The following EPHA6 variants were observed in gnomAD, a reference collection of about 807,000 sequenced individuals.
The protein encoded by EPHA6 is EPH receptor A6.
EPHA6 carries 50 observed loss-of-function variants against 112.0 expected under a neutral mutation model. That is an observed-to-expected ratio of 0.45 (90% CI 0.36 to 0.56). The LOEUF (loss-of-function observed/expected upper bound fraction) is 0.56. Among genes scored for constraint, EPHA6 ranks in the 20% least tolerant of loss-of-function variants. EPHA6 has a pLI of 0.00. For missense variants in EPHA6, 1,280 were observed against 1,417.4 expected, an observed-to-expected ratio of 0.90 and a Z score of 1.56; for synonymous variants, 529 against 490.7, an observed-to-expected ratio of 1.08 and a Z score of -1.03.
At chr3:97,543,230 C>A (rs2107681729) in intron 11 of EPHA6, among the ~76,000 whole-genome samples, 1 of 152,286 alleles carries the variant, frequency 6.6e-6, no homozygotes, top group South Asian at 2.1e-4. Flanking sequence ...GGTTTTAGGT[C>A]TACCATTTAA....
At chr3:97,084,111 T>TCC (rs1559717349) in intron 3 of EPHA6, among the ~76,000 whole-genome samples, 1 of 120,334 alleles carries the variant, frequency 8.3e-6, no homozygotes, top group East Asian at 2.4e-4. Flanking sequence ...GATATATATA[T>TCC]ATATATATAT....
At chr3:97,409,295 G>A (rs1395346533) in intron 6 of EPHA6, among the ~76,000 whole-genome samples, 1 of 152,096 alleles carries the variant, frequency 6.6e-6, no homozygotes, top group East Asian at 1.9e-4. Context: ...GAGGCCCATA[G>A]ATGGTAATTA....
chr3:97,500,660 G>C (rs1324354334), intron 10 of EPHA6, among the ~76,000 whole-genome samples: 1 of 152,152 alleles, frequency 6.6e-6, no homozygotes, highest in Non-Finnish European at 1.5e-5. Context: ...CATGGTAGTA[G>C]ATATTATGAA....
chr3:97,357,558 G>T (rs1257981117), intron 5 of EPHA6, among the ~76,000 whole-genome samples: 1 of 152,148 alleles, frequency 6.6e-6, no homozygotes, highest in African/African-American at 2.4e-5. Context: ...TTTTATTGGA[G>T]AATTGAATCT....
chr3:96,964,012 T>C (rs187182508), intron 2 of EPHA6, among the ~76,000 whole-genome samples: 33 of 152,176 alleles, frequency 2.2e-4, no homozygotes, highest in African/African-American at 7.7e-4. Flanking sequence ...AAATTAAAAA[T>C]AATATATTTT....
At chr3:97,314,869 G>T (rs1224704488) in intron 5 of EPHA6, among the ~76,000 whole-genome samples, 1 of 151,558 alleles carries the variant, frequency 6.6e-6, no homozygotes, top group Non-Finnish European at 1.5e-5. Flanking sequence ...TATCATATAT[G>T]CCAAGTCTTC....
chr3:97,315,884 T>C (rs1477610699), intron 5 of EPHA6, among the ~76,000 whole-genome samples: 1 of 151,822 alleles, frequency 6.6e-6, no homozygotes, highest in Admixed American at 6.6e-5. Context: ...CACCATCATG[T>C]GCACCTTTCT....
chr3:97,378,172 C>A (rs1242485393), intron 5 of EPHA6, among the ~76,000 whole-genome samples: 4 of 152,142 alleles, frequency 2.6e-5, no homozygotes, highest in Non-Finnish European at 5.9e-5. Context: ...GCGTCCCAGC[C>A]CCTTCAGCCA....
intron 2 of EPHA6, among the ~76,000 whole-genome samples, chr3:96,908,759 C>A (rs969681423): frequency 6.6e-6 from 1 of 151,782 alleles, no homozygotes; most frequent in Non-Finnish European, 1.5e-5. Context: ...TAAACTGTTT[C>A]AATAAAGAAA....
chr3:97,224,494 C>A (rs1158396731), intron 3 of EPHA6, among the ~76,000 whole-genome samples: 1 of 152,138 alleles, frequency 6.6e-6, no homozygotes, highest in Non-Finnish European at 1.5e-5. Context: ...TGTCTTGCTG[C>A]ACAGAATTAA....
chr3:97,324,345 T>A (rs1050137541), intron 5 of EPHA6, among the ~76,000 whole-genome samples: 1 of 152,020 alleles, frequency 6.6e-6, no homozygotes, highest in Non-Finnish European at 1.5e-5. Flanking sequence ...TCTAACTTGT[T>A]TCTTTATGCA....
intron 6 of EPHA6, among the ~76,000 whole-genome samples, chr3:97,422,226 A>C (rs2088716222): frequency 6.6e-6 from 1 of 151,936 alleles, no homozygotes; most frequent in Non-Finnish European, 1.5e-5. Flanking sequence ...GATATTTGCC[A>C]TGCATACAAT....
chr3:97,485,606 A>G (rs1577545013), intron 10 of EPHA6, among the ~76,000 whole-genome samples: 1 of 152,346 alleles, frequency 6.6e-6, no homozygotes, highest in East Asian at 1.9e-4. Flanking sequence ...TTCTCAGCCA[A>G]AGAAGCTGCC....
intron 2 of EPHA6, among the ~76,000 whole-genome samples, chr3:96,883,321 C>T (rs2037431863): frequency 6.6e-6 from 1 of 152,026 alleles, no homozygotes; most frequent in Non-Finnish European, 1.5e-5. Flanking sequence ...GATATTAGTC[C>T]TTTGTTAGAT....
At chr3:96,831,397 G>A (rs1031180249) in intron 1 of EPHA6, among the ~76,000 whole-genome samples, 2 of 151,952 alleles carry the variant, frequency 1.3e-5, no homozygotes, top group Admixed American at 6.6e-5. Flanking sequence ...CTTCCAATTC[G>A]CATCTATTAC....
At chr3:97,259,019 T>C (rs2079409357) in intron 5 of EPHA6, among the ~76,000 whole-genome samples, 4 of 152,218 alleles carry the variant, frequency 2.6e-5, no homozygotes, top group Non-Finnish European at 4.4e-5. Context: ...CTAGAGGCTC[T>C]ACATTGTAAT....
chr3:97,464,177 A>T (rs1025621786), intron 7 of EPHA6, among the ~76,000 whole-genome samples: 10 of 152,178 alleles, frequency 6.6e-5, no homozygotes, highest in Admixed American at 4.6e-4. Context: ...TCCTAATCCC[A>T]AATTCCTGCA....
intron 2 of EPHA6, among the ~76,000 whole-genome samples, chr3:96,918,067 T>C (rs1490614562): frequency 6.6e-6 from 1 of 152,130 alleles, no homozygotes; most frequent in African/African-American, 2.4e-5. Flanking sequence ...TTTAGCACCC[T>C]CCCTCTACCC....
At chr3:97,011,361 TGAAAG>T (rs889452627) in intron 3 of EPHA6, among the ~76,000 whole-genome samples, 5 of 152,204 alleles carry the variant, frequency 3.3e-5, no homozygotes, top group African/African-American at 1.2e-4. Context: ...TGTTTCATCT[TGAAAG>T]GAAGAAAATT....
Sources: gnomAD v4.1 joint callset for allele counts (sites outside exome capture counted in the v4.1 genomes callset) on GRCh38, gnomAD v4.1.1 for gene constraint, MANE v1.5 for transcripts, NCBI Gene and HGNC (gene_info 2026-07-23, HGNC 2026-07-21) for gene names.